BBS9: variants seen among roughly 807,000 people sequenced by gnomAD.
BBS9 encodes the protein Bardet-Biedl syndrome 9.
In BBS9, 89 loss-of-function variants were observed where a neutral mutation model predicts 117.7. The ratio of observed to expected loss-of-function variants is 0.76; its 90% confidence interval spans 0.64 to 0.90. The LOEUF (loss-of-function observed/expected upper bound fraction) is 0.90, where lower values mean the gene tolerates loss of function less well. Ranked by LOEUF, BBS9 falls within the 40% of genes least tolerant of loss-of-function variation. The probability of loss-of-function intolerance (pLI) is 0.00; values close to 1 mark genes in which losing one functional copy is unlikely to be tolerated. For synonymous variants in BBS9, 379 were observed against 370.9 expected, an observed-to-expected ratio of 1.02 and a Z score of -0.25; for missense variants, 982 against 1,042.2, an observed-to-expected ratio of 0.94 and a Z score of 0.80.
chr7:33,144,230 C>A (rs1189741243), intron 1 of BBS9, among the ~76,000 whole-genome samples: 2 of 152,138 alleles, frequency 1.3e-5, no homozygotes, highest in Admixed American at 6.5e-5. Flanking sequence ...TATTTACAGC[C>A]AATTTCTTGG....
chr7:33,574,700 C>CACACAT lies in BBS9; in HGVS notation c.2522-30160_2522-30159insTACACA, dbSNP rs1554543967. Among the ~76,000 whole-genome samples, 141 of 140,004 alleles carry CACACAT rather than the reference C, an allele frequency of 1.0e-3. 1 individual carries two copies. The highest frequency in any genetic ancestry group is 4.1e-3 in the African/African-American group (136 of 33,572). 91.8% of individuals were successfully genotyped at this position (140,004 alleles called of 152,430 possible). A position where few individuals can be genotyped will look rare whatever the true frequency, so the allele number is the denominator to read the frequency against. On this transcript the variant is annotated intron_variant, in intron 21 of 22. Transcript: ENST00000242067. ...GTCATAGAAAACACACACACACACA[C>CACACAT]ACACACACACACACACACACACACA...
intron 21 of BBS9, among the ~76,000 whole-genome samples, chr7:33,583,050 C>A (rs1341200437): frequency 6.6e-6 from 1 of 152,146 alleles, no homozygotes. Flanking sequence ...ATTTGACCCG[C>A]ATATGTCTGA....
intron 13 of BBS9, among the ~76,000 whole-genome samples, chr7:33,350,517 A>G (rs1057129217): frequency 6.6e-6 from 1 of 152,198 alleles, no homozygotes; most frequent in African/African-American, 2.4e-5. Context: ...TTAAGTGGCT[A>G]CTGTGTAACA....
At chr7:33,530,904 G>A (rs1262884683) in intron 20 of BBS9, among the ~76,000 whole-genome samples, 2 of 152,106 alleles carry the variant, frequency 1.3e-5, no homozygotes, top group Non-Finnish European at 2.9e-5. Context: ...GCAATCAGTG[G>A]GAAGTTCTCT....
intron 20 of BBS9, among the ~76,000 whole-genome samples, chr7:33,532,922 C>G (rs1850806901): frequency 6.6e-6 from 1 of 152,132 alleles, no homozygotes; most frequent in Non-Finnish European, 1.5e-5. Flanking sequence ...GATGGTCAGG[C>G]CCATGGTGCT....
chr7:33,521,217 A>G (rs1259335326), intron 20 of BBS9, among the ~76,000 whole-genome samples: 2 of 152,218 alleles, frequency 1.3e-5, no homozygotes, highest in South Asian at 2.1e-4. Flanking sequence ...ATGGGAGTAC[A>G]GGTCAAATAG....
intron 13 of BBS9, chr7:33,349,469 C>T: frequency 2.5e-6 from 1 of 400,162 alleles, no homozygotes; most frequent in East Asian, 6.8e-5. Flanking sequence ...GTCTCATTCT[C>T]ATTGGCCCAG....
chr7:33,260,055 A>C (rs1797722351), intron 6 of BBS9, among the ~76,000 whole-genome samples: 1 of 147,310 alleles, frequency 6.8e-6, no homozygotes, highest in Non-Finnish European at 1.5e-5. Flanking sequence ...GCTGGAGTGC[A>C]GTGGCGCGAT....
chr7:33,172,506 A>G (rs573451179), intron 4 of BBS9, among the ~76,000 whole-genome samples: 4 of 152,210 alleles, frequency 2.6e-5, no homozygotes, highest in Non-Finnish European at 4.4e-5. Flanking sequence ...TCAAGCAAAT[A>G]TCTTGTTATA....
chr7:33,524,759 T>C (rs1384680784), intron 20 of BBS9, among the ~76,000 whole-genome samples: 4 of 152,206 alleles, frequency 2.6e-5, no homozygotes, highest in Non-Finnish European at 5.9e-5. Context: ...TCAGTTCTGC[T>C]CTGATTTTAG....
At chr7:33,490,923 C>T (rs1363418304) in intron 19 of BBS9, among the ~76,000 whole-genome samples, 3 of 152,294 alleles carry the variant, frequency 2.0e-5, no homozygotes, top group East Asian at 3.9e-4. Flanking sequence ...GGTAGCCAGT[C>T]CTGGGTTTGA....
intron 19 of BBS9, among the ~76,000 whole-genome samples, chr7:33,414,087 AG>A (rs1267573547): frequency 2.6e-5 from 4 of 152,174 alleles, no homozygotes; most frequent in Non-Finnish European, 4.4e-5. Context: ...AAACTGAAGA[AG>A]AACCCAGCTT....
chr7:33,319,869 AC>A (rs1435813467), intron 9 of BBS9, among the ~76,000 whole-genome samples: 2 of 152,222 alleles, frequency 1.3e-5, no homozygotes, highest in Non-Finnish European at 2.9e-5. Context: ...CAAGAAAAAA[AC>A]CAAACTATCC....
Position 33,562,937 on chromosome 7 carries a change from GAAAA to G in BBS9, c.2521+28763_2521+28766del, listed in dbSNP as rs1856311817. 2.0e-5 allele frequency among the ~76,000 whole-genome samples: 3 copies of G among 152,016 alleles called. No individual in the cohort carries two copies. In the South Asian group the frequency reaches 6.2e-4, roughly 32 times the overall value. On this transcript the variant is annotated intron_variant, in intron 21 of 22. Transcript: ENST00000242067. ...GACTCCATCTCAAAAGAAAAAAAAA[GAAAA>G]AGAGAAAGGAGACCATTCTTAACAT...
At chr7:33,518,245 C>CTTTTTTTTTTTTTTTTTTT (rs747829401) in intron 20 of BBS9, among the ~76,000 whole-genome samples, 1 of 93,930 alleles carries the variant, frequency 1.1e-5, no homozygotes, top group Non-Finnish European at 2.0e-5. Context: ...TGTATATATT[C>CTTTTTTTTTTTTTTTTTTT]TTTTTTTTTT....
chr7:33,151,795 C>A (rs552893783), intron 2 of BBS9, among the ~76,000 whole-genome samples: 1 of 151,362 alleles, frequency 6.6e-6, no homozygotes, highest in East Asian at 1.9e-4. Flanking sequence ...AAGTGATCTG[C>A]CTGCCTCGGC....
chr7:33,375,148 C>T (rs1233099883), intron 17 of BBS9, among the ~76,000 whole-genome samples: 2 of 152,006 alleles, frequency 1.3e-5, no homozygotes, highest in African/African-American at 4.8e-5. Flanking sequence ...ATATTCTTTT[C>T]TCCATTTGTA....
chr7:33,250,541 A>G (rs564502493), intron 5 of BBS9, among the ~76,000 whole-genome samples: 2 of 152,224 alleles, frequency 1.3e-5, no homozygotes, highest in Admixed American at 1.3e-4. Context: ...TTCTATTCCC[A>G]TTATCTGTAA....
intron 17 of BBS9, among the ~76,000 whole-genome samples, chr7:33,369,184 T>G (rs569085379): frequency 4.1e-4 from 63 of 152,296 alleles, no homozygotes; most frequent in Non-Finnish European, 7.6e-4. Flanking sequence ...TTGGTGCATT[T>G]CTCTTAGTTT....
Sources: gnomAD v4.1 joint callset for allele counts (sites outside exome capture counted in the v4.1 genomes callset) on GRCh38, gnomAD v4.1.1 for gene constraint, MANE v1.5 for transcripts, NCBI Gene and HGNC (gene_info 2026-07-23, HGNC 2026-07-21) for gene names.